Variants in C1QL1 observed in about 807,000 individuals in gnomAD.
C1QL1 encodes complement C1q like 1, also known as C1q-related factor.
In C1QL1, 15 loss-of-function variants were observed where a neutral mutation model predicts 14.2. The ratio of observed to expected loss-of-function variants is 1.06; its 90% confidence interval spans 0.71 to 1.62. The LOEUF (loss-of-function observed/expected upper bound fraction) is 1.62. C1QL1 is among the 40% of genes most tolerant of loss of function. C1QL1 has a pLI of 0.00. For synonymous variants in C1QL1, 172 were observed against 172.4 expected (o/e 1.00, Z 0.02); for missense variants, 346 against 380.3 (o/e 0.91, Z 0.75).
intron 1 of C1QL1, among the ~76,000 whole-genome samples, chr17:44,962,718 A>G (rs2034166902): frequency 6.6e-6 from 1 of 152,186 alleles, no homozygotes; most frequent in South Asian, 2.1e-4. Flanking sequence ...AATTACTACT[A>G]ATAACAATTA....
In C1QL1 at chr17:44,967,436, C is replaced by A; in HGVS notation, c.597+16G>T. ...GCCCTGGGCCCAGCCCAGCCCCATGCCCCCGCCTGGCCCACCTGGCCATTC... is the reference window on the plus strand; with the variant it reads ...GCCCTGGGCCCAGCCCAGCCCCATGACCCCGCCTGGCCCACCTGGCCATTC... On this transcript the variant is annotated intron_variant, in intron 1 of 1. Transcript: ENST00000253407. The surrounding 1 kb of genome is among the most constrained non-coding windows in gnomAD (Gnocchi z 7.0). 6.2e-7 allele frequency: 1 copy of A among 1,610,814 alleles called. No individual in the cohort carries two copies. Among genetic ancestry groups the A allele is most frequent in the South Asian group, 1.1e-5 (1 of 90,818 alleles).
chr17:44,959,951 G>C lies in C1QL1; in HGVS notation c.*237C>G. The C allele has an allele frequency of 1.9e-6, 1 of 539,868 alleles. No homozygotes were observed. 33.4% of individuals were successfully genotyped at this position (539,868 alleles called of 1,614,324 possible). On this transcript the variant is annotated 3_prime_UTR_variant, in exon 2 of 2. Transcript: ENST00000253407. ...TGTACAAATATATAGCGCGGGCTGG[G>C]CGGGGGCGGTCAACCCCGGTTCCCT...
chr17:44,964,914 C>T (rs2052649089), intron 1 of C1QL1, among the ~76,000 whole-genome samples: 1 of 152,130 alleles, frequency 6.6e-6, no homozygotes, highest in Non-Finnish European at 1.5e-5. Flanking sequence ...GATCTCACCT[C>T]ATTGCAACCT....
At chr17:44,961,910 AAG>A (rs1279714342) in intron 1 of C1QL1, among the ~76,000 whole-genome samples, 13,876 of 127,650 alleles carry the variant, frequency 0.11, 751 homozygotes, top group Middle Eastern at 0.13. Context: ...AAAAAAAAAA[AAG>A]AGAGAGAGAG....
chr17:44,961,165 T>C (rs1025430043), intron 1 of C1QL1, among the ~76,000 whole-genome samples: 3 of 152,300 alleles, frequency 2.0e-5, no homozygotes, highest in Admixed American at 2.0e-4. Context: ...ATTCTCAGTC[T>C]GATGTGACAT....
chr17:44,965,880 C>T (rs1469453421), intron 1 of C1QL1, among the ~76,000 whole-genome samples: 2 of 152,236 alleles, frequency 1.3e-5, no homozygotes, highest in Admixed American at 6.5e-5. Context: ...GACATTGCTG[C>T]ATCCCTTATT....
rs549451573 is a variant in C1QL1, at chr17:44,963,481, G to T, written c.598-3114C>A. On this transcript the variant is annotated intron_variant, in intron 1 of 1. Transcript: ENST00000253407. The stretch of plus-strand genomic sequence containing the variant: ...TCTGTCACCCAGGATGGAGTGCAGT[G>T]GTGCGATCTTGGCTCACTGCAACTT... Among the ~76,000 whole-genome samples, 90 of 152,160 alleles carry T rather than the reference G, an allele frequency of 5.9e-4. 2 individuals are homozygous for T. The Middle Eastern group carries it at 0.014, about 23-fold the overall frequency.
At chr17:44,966,904 T>G (rs1385943708) in intron 1 of C1QL1, among the ~76,000 whole-genome samples, 1 of 152,040 alleles carries the variant, frequency 6.6e-6, no homozygotes, top group Non-Finnish European at 1.5e-5. Flanking sequence ...CGCCCAATGG[T>G]CCCTTCTCCA....
At position 44,967,488 on chromosome 17, in the gene C1QL1, G is replaced by T. The variant is rs759801117; in HGVS notation, c.561C>A (p.Gly187=). 1 of 1,613,986 alleles carries T rather than the reference G, an allele frequency of 6.2e-7. No individual in the cohort carries two copies. Among genetic ancestry groups the T allele is most frequent in the Non-Finnish European group, 8.5e-7 (1 of 1,179,922 alleles). The change falls in exon 1 of 2, where the codon GGC becomes GGA. Residue 187 remains glycine (G), a synonymous_variant. Transcript: ENST00000253407. The surrounding 1 kb of genome is among the most constrained non-coding windows in gnomAD (Gnocchi z 7.0). ...TGCAGAGGTCTGCCCACATACTGGTGCCGTCGCCGCCGCGCATGAGGACAT... is the reference window on the plus strand; with the variant it reads ...TGCAGAGGTCTGCCCACATACTGGTTCCGTCGCCGCCGCGCATGAGGACAT... The part of the protein sequence containing the change: ...TYHVLMRGGD[G]TSMWADLCKN...
At position 44,964,722 on chromosome 17, in the gene C1QL1, A is replaced by G. The variant is rs79839505; in HGVS notation, c.597+2730T>C. On this transcript the variant is annotated intron_variant, in intron 1 of 1. Coordinates refer to ENST00000253407, the MANE Select transcript of C1QL1 (RefSeq NM_006688.5). ...CTCAAAACTAACAAGTGGGATGGCT[A>G]GTGAGATCAAATGAGTCTCTTGGGC... is the stretch of plus-strand genomic sequence containing the variant. Among the ~76,000 whole-genome samples the G allele has an allele frequency of 5.3e-3, 811 of 152,374 alleles. 23 individuals are homozygous for G. The highest frequency in any genetic ancestry group is 0.041 in the Admixed American group (624 of 15,304).
At position 44,964,152 on chromosome 17, in the gene C1QL1, C is replaced by T. The variant is rs3785895; in HGVS notation, c.597+3300G>A. Among the ~76,000 whole-genome samples, 13 of 152,310 alleles carry T rather than the reference C, an allele frequency of 8.5e-5. No individual in the cohort carries two copies. In the East Asian group the frequency reaches 2.3e-3, roughly 27 times the overall value. On this transcript the variant is annotated intron_variant, in intron 1 of 1. Coordinates refer to ENST00000253407, the MANE Select transcript of C1QL1 (RefSeq NM_006688.5). Reference sequence around the variant, plus strand: ...TGCCAGGCATGAAGGTGGTGCTCCCCATCCCGAACTTGCCCGGAGAGGAGG... The same window carrying T: ...TGCCAGGCATGAAGGTGGTGCTCCCTATCCCGAACTTGCCCGGAGAGGAGG...
chr17:44,968,032 AC>A lies in C1QL1; in HGVS notation c.16del (p.Val6TrpfsTer8). On this transcript the variant is annotated frameshift_variant, in exon 1 of 2. Coordinates refer to ENST00000253407, the MANE Select transcript of C1QL1 (RefSeq NM_006688.5). LOFTEE classifies it high-confidence loss of function. The stretch of plus-strand genomic sequence containing the variant: ...GCTCACCAGCACGGGGATGAGCACC[AC>A]CAGCACCAGCAGCATCACCACACCC... MLLVL[V>X]VLIPVLVSSG... The A allele has an allele frequency of 1.5e-6, 2 of 1,355,480 alleles. No homozygotes were observed. Among genetic ancestry groups the A allele is most frequent in the South Asian group, 1.9e-5 (1 of 53,914 alleles). 84.0% of individuals were successfully genotyped at this position (1,355,480 alleles called of 1,614,324 possible).
intron 1 of C1QL1, 62 bp from the exon 2 acceptor site, chr17:44,960,429 T>A: frequency 1.6e-6 from 2 of 1,236,260 alleles, no homozygotes; most frequent in Non-Finnish European, 2.4e-6. Flanking sequence ...GGGAGGGAGG[T>A]GAGGCAGTCC....
chr17:44,961,064 A>G (rs2052624891), intron 1 of C1QL1, among the ~76,000 whole-genome samples: 3 of 152,202 alleles, frequency 2.0e-5, no homozygotes, highest in Admixed American at 2.0e-4. Context: ...CTACCCACCC[A>G]AAGAGGATTG....
chr17:44,967,841 C>G lies in C1QL1; in HGVS notation c.208G>C (p.Gly70Arg). The G allele has an allele frequency of 4.4e-6, 6 of 1,371,366 alleles. No individual in the cohort carries two copies. Among genetic ancestry groups the G allele is most frequent in the Non-Finnish European group, 5.6e-6 (6 of 1,073,696 alleles). The allele number at this position is 1,371,366 out of a possible 1,614,324, so 84.9% of individuals were successfully genotyped here. The change falls in exon 1 of 2, where the codon GGG becomes CGG. Residue 70 changes from glycine (G) to arginine (R), a missense_variant. By Grantham distance (125) the Gly-to-Arg change is moderately radical. Coordinates refer to ENST00000253407, the MANE Select transcript of C1QL1 (RefSeq NM_006688.5). This position sits in a 1 kb window ranked among gnomAD's most constrained non-coding sequence, Gnocchi z 7.0. ...PPSTLVQGPQ[G>R]KPGRTGKPGP... ...GGCTTGCCGGTGCGGCCCGGCTTCC[C>G]CTGGGGGCCCTGCACCAGCGTGGAA...
In C1QL1 at chr17:44,967,854, C is replaced by A; in HGVS notation, c.195G>T (p.Val65=). 2 of 1,337,056 alleles carry A rather than the reference C, an allele frequency of 1.5e-6. No homozygotes were observed. Among genetic ancestry groups the A allele is most frequent in the Non-Finnish European group, 1.9e-6 (2 of 1,054,676 alleles). The allele number at this position is 1,337,056 out of a possible 1,614,324, so 82.8% of individuals were successfully genotyped here. The change falls in exon 1 of 2, where the codon GTG becomes GTT. Residue 65 remains valine (V), a synonymous_variant. Coordinates refer to ENST00000253407, the MANE Select transcript of C1QL1 (RefSeq NM_006688.5). This position sits in a 1 kb window ranked among gnomAD's most constrained non-coding sequence, Gnocchi z 7.0. The part of the protein sequence containing the change: ...QSGAPPPSTL[V]QGPQGKPGRT... ...GGCCCGGCTTCCCCTGGGGGCCCTG[C>A]ACCAGCGTGGAAGGCGGGGGCGCGC...
At chr17:44,964,419 C>T (rs1484570152) in intron 1 of C1QL1, among the ~76,000 whole-genome samples, 2 of 152,172 alleles carry the variant, frequency 1.3e-5, no homozygotes, top group Non-Finnish European at 2.9e-5. Context: ...TTATATTCTC[C>T]CTTGTGGTAT....
chr17:44,963,869 C>A (rs9903043), intron 1 of C1QL1, among the ~76,000 whole-genome samples: 26 of 152,346 alleles, frequency 1.7e-4, no homozygotes, highest in African/African-American at 5.8e-4. Context: ...ACCCTGACCA[C>A]AGGCCCTGGC....
intron 1 of C1QL1, among the ~76,000 whole-genome samples, chr17:44,965,850 G>A (rs1239583064): frequency 5.9e-5 from 9 of 152,358 alleles, no homozygotes; most frequent in African/African-American, 2.2e-4. Context: ...GGGAAAGGAA[G>A]ACATTCCATT....
Sources: gnomAD v4.1 joint callset for allele counts (sites outside exome capture counted in the v4.1 genomes callset) on GRCh38, gnomAD v4.1.1 for gene constraint, Gnocchi (gnomAD v3.1) non-coding constraint, MANE v1.5 for transcripts, NCBI Gene and HGNC (gene_info 2026-07-23, HGNC 2026-07-21) for gene names.